Variants in INO80 observed in about 807,000 individuals in gnomAD.
INO80 encodes the protein INO80 complex ATPase subunit.
INO80 carries 20 observed loss-of-function variants against 203.4 expected under a neutral mutation model. The ratio of observed to expected loss-of-function variants is 0.10; its 90% CI spans 0.07 to 0.14. The LOEUF is 0.14. INO80 is among the 10% of genes least tolerant of loss of function. The probability of loss-of-function intolerance (pLI) is 1.00; values close to 1 mark genes in which losing one functional copy is unlikely to be tolerated. For missense variants in INO80, 1,419 were observed against 1,914.4 expected (o/e 0.74, Z 4.83); for synonymous variants, 726 against 685.2 (o/e 1.06, Z -0.93).
At chr15:41,062,959 C>T (rs951697949) in intron 14 of INO80, among the ~76,000 whole-genome samples, 1 of 152,114 alleles carries the variant, frequency 6.6e-6, no homozygotes, top group African/African-American at 2.4e-5. Context: ...TTTAATCAGT[C>T]CAAAAGGACA....
At chr15:41,085,801 C>G (rs1047951424) in intron 6 of INO80, among the ~76,000 whole-genome samples, 9 of 152,224 alleles carry the variant, frequency 5.9e-5, no homozygotes, top group African/African-American at 1.9e-4. Context: ...GAAAAGAACA[C>G]TGGATACTCA....
At chr15:41,068,274 G>C (rs2045254970) in intron 14 of INO80, among the ~76,000 whole-genome samples, 1 of 151,972 alleles carries the variant, frequency 6.6e-6, no homozygotes, top group Non-Finnish European at 1.5e-5. Context: ...AGCAAAATGG[G>C]CTGGATGGAG....
Position 40,980,256 on chromosome 15 carries a change from C to T in INO80, c.4638G>A (p.Gln1546=), listed in dbSNP as rs1361411481. Residue 1546 remains glutamine, a synonymous_variant, in exon 36 of 36, where the codon CAG becomes CAA. Transcript: ENST00000648947. The part of the protein sequence containing the change: ...SLAPDSLVRK[Q]GKGTNPSGGR ...CTCCAGAGGGGTTGGTGCCTTTGCCCTGTTTCCGGACCAGAGAGTCTGGGG... is the reference window on the plus strand; with the variant it reads ...CTCCAGAGGGGTTGGTGCCTTTGCCTTGTTTCCGGACCAGAGAGTCTGGGG... 1 of 1,613,216 alleles carries T rather than the reference C, an allele frequency of 6.2e-7. No individual in the cohort carries two copies. Among genetic ancestry groups the T allele is most frequent in the Admixed American group, 1.7e-5 (1 of 60,024 alleles).
At position 40,983,778 on chromosome 15, in the gene INO80, G is replaced by C. The variant is rs535315141; in HGVS notation, c.4221C>G (p.Val1407=). The C allele has an allele frequency of 3.8e-5, 61 of 1,612,418 alleles. 1 individual carries two copies. The South Asian group carries it at 5.5e-4, about 15-fold the overall frequency. Residue 1407 remains valine (V), a synonymous_variant, in exon 34 of 36, where the codon GTC becomes GTG. Coordinates refer to ENST00000648947, the MANE Select transcript of INO80 (RefSeq NM_017553.3). ...AGCAATTACCATTCACGGTATCTGA[G>C]ACGGAGCCTGTTATGGATGCGGGAG... The part of the protein sequence containing the change: ...TNSPASITGS[V]SDTVNGISIQ...
chr15:41,046,962 A>G (rs1342345438), intron 23 of INO80, among the ~76,000 whole-genome samples: 2 of 142,964 alleles, frequency 1.4e-5, no homozygotes, highest in African/African-American at 2.6e-5. Context: ...CTTGAGACGG[A>G]GTTTTGAACT....
Position 41,095,923 on chromosome 15 carries a change from T to C in INO80, c.149A>G (p.Asp50Gly). 1 of 1,613,588 alleles carries C rather than the reference T, an allele frequency of 6.2e-7. No homozygotes were observed. The highest frequency in any genetic ancestry group is 1.1e-5 in the South Asian group (1 of 91,064). The change falls in exon 3 of 36, where the codon GAC becomes GGC. Residue 50 changes from aspartate to glycine, a missense_variant. This residue lies in a region of INO80 where 323 missense variants were observed against 325.4 expected (regional missense o/e 0.99). Coordinates refer to ENST00000648947, the MANE Select transcript of INO80 (RefSeq NM_017553.3). ...ACTGTCATCCAGTCCATCTTCACTG[T>C]CATCACTATAAATTGAAGAATGAGT... The part of the protein sequence containing the change: ...AIFNRNISSD[D>G]SEDGLDDSNP...
At chr15:41,052,968 G>A (rs1479308837) in intron 19 of INO80, among the ~76,000 whole-genome samples, 1 of 152,118 alleles carries the variant, frequency 6.6e-6, no homozygotes, top group Non-Finnish European at 1.5e-5. Context: ...AGGTGGTCAA[G>A]GCAACAGTAA....
intron 24 of INO80, among the ~76,000 whole-genome samples, chr15:41,028,140 AT>A (rs386382821): frequency 1.1e-3 from 160 of 146,500 alleles, no homozygotes; most frequent in African/African-American, 1.2e-3. Flanking sequence ...TTCCTTCTAA[AT>A]TTTTTTTTTT....
At chr15:41,068,871 AAAAAC>A (rs1566936697) in intron 14 of INO80, among the ~76,000 whole-genome samples, 1 of 152,192 alleles carries the variant, frequency 6.6e-6, no homozygotes, top group Non-Finnish European at 1.5e-5. Flanking sequence ...AAACAAAAAC[AAAAAC>A]AAGACATGTA....
intron 25 of INO80, 151 bp from the exon 26 acceptor site, chr15:41,021,276 A>AT (rs2044290184): frequency 1.7e-6 from 1 of 595,948 alleles, no homozygotes; most frequent in Non-Finnish European, 3.0e-6. Context: ...GCTGTCCCTA[A>AT]TGAATGACTT....
chr15:41,009,555 C>T (rs553233314), intron 27 of INO80, among the ~76,000 whole-genome samples: 4 of 151,890 alleles, frequency 2.6e-5, no homozygotes, highest in Non-Finnish European at 4.4e-5. Context: ...CTACAAAGGA[C>T]ATGAACTCAT....
At position 41,092,110 on chromosome 15, in the gene INO80, G is replaced by C. The variant is rs745627863; in HGVS notation, c.454C>G (p.Leu152Val). The part of the protein sequence containing the change: ...SEDDDEEELN[L>V]SREELHNMLR... ...ATGTTGTGAAGTTCTTCTCTGCTGAGATTGAGTTCTTCTTCATCATCGTCT... is the reference window on the plus strand; with the variant it reads ...ATGTTGTGAAGTTCTTCTCTGCTGACATTGAGTTCTTCTTCATCATCGTCT... Residue 152 changes from leucine to valine, a missense_variant, in exon 5 of 36, where the codon CTC becomes GTC. Physicochemically the swap from Leu to Val is conservative, Grantham distance 32. Around this residue, in one of 9 missense-constraint regions of INO80, gnomAD observed 323 missense variants for 325.4 expected, o/e 0.99. Transcript: ENST00000648947. The C allele has an allele frequency of 6.2e-7, 1 of 1,612,440 alleles. No homozygotes were observed. The highest frequency in any genetic ancestry group is 1.1e-5 in the South Asian group (1 of 91,010).
At chr15:41,032,276 T>C (rs1267868677) in intron 24 of INO80, among the ~76,000 whole-genome samples, 1 of 152,186 alleles carries the variant, frequency 6.6e-6, no homozygotes, top group Non-Finnish European at 1.5e-5. Flanking sequence ...TTAAAGAGCA[T>C]GTCAAATTTA....
intron 29 of INO80, among the ~76,000 whole-genome samples, chr15:40,990,929 G>A (rs2043809027): frequency 6.6e-6 from 1 of 152,134 alleles, no homozygotes; most frequent in African/African-American, 2.4e-5. Flanking sequence ...GGAATTTGAG[G>A]GCTGATGTCA....
rs745567739 is a variant in INO80, at chr15:41,085,592, G to C, written c.659-9C>G. 1.2e-6 allele frequency: 2 copies of C among 1,611,078 alleles called. No individual in the cohort carries two copies. Among genetic ancestry groups the C allele is most frequent in the South Asian group, 2.2e-5 (2 of 90,992 alleles). On this transcript the variant is annotated splice_polypyrimidine_tract_variant and intron_variant, in intron 6 of 35. Transcript: ENST00000648947. ...CACTTTTTTCAACTTAGCTGCAAAA[G>C]AAACAGATGCAACAGGTTGCACTTC...
intron 9 of INO80, 82 bp downstream of exon 9, chr15:41,079,619 T>C (rs1596314567): frequency 8.1e-6 from 10 of 1,228,472 alleles, no homozygotes; most frequent in South Asian, 6.2e-5. Flanking sequence ...ATTGGTTAGA[T>C]GTACAATTTT....
chr15:41,012,833 T>C (rs2044152320), intron 27 of INO80, among the ~76,000 whole-genome samples: 1 of 152,166 alleles, frequency 6.6e-6, no homozygotes, highest in Admixed American at 6.6e-5. Context: ...ATACAACATT[T>C]CTGAATATAG....
At chr15:41,034,868 G>T (rs1034694458) in intron 24 of INO80, among the ~76,000 whole-genome samples, 5 of 152,124 alleles carry the variant, frequency 3.3e-5, no homozygotes, top group African/African-American at 1.2e-4. Flanking sequence ...CTTCACTGGA[G>T]AACTGCTTCT....
At position 41,076,976 on chromosome 15, in the gene INO80, C is replaced by T. The variant is rs547695828; in HGVS notation, c.1132-2411G>A. On this transcript the variant is annotated intron_variant, in intron 9 of 35. Coordinates refer to ENST00000648947, the MANE Select transcript of INO80 (RefSeq NM_017553.3). The stretch of plus-strand genomic sequence containing the variant: ...TGGCTGGAGTGCAGTGGTGCAATCT[C>T]GGCTCACTGCAACCTCCATCTCCCC... Among the ~76,000 whole-genome samples the T allele has an allele frequency of 2.7e-3, 412 of 152,002 alleles. 3 individuals are homozygous for T. The highest frequency in any genetic ancestry group is 0.013 in the South Asian group (62 of 4,826).
Sources: gnomAD v4.1 joint callset for allele counts (sites outside exome capture counted in the v4.1 genomes callset) on GRCh38, gnomAD v4.1.1 for gene constraint, gnomAD v4.1.1 regional missense constraint, MANE v1.5 for transcripts, NCBI Gene and HGNC (gene_info 2026-07-23, HGNC 2026-07-21) for gene names.